OTUD5: variants seen among roughly 807,000 people sequenced by gnomAD.
OTUD5 encodes the protein OTU deubiquitinase 5, also known as OTU domain-containing protein 5.
In OTUD5, 2 loss-of-function variants were observed where a neutral mutation model predicts 36.3. The observed-to-expected ratio is 0.06, with a 90% CI of 0.02 to 0.17. OTUD5 has a LOEUF of 0.17. Among genes scored for constraint, OTUD5 ranks in the 10% least tolerant of loss-of-function variants. OTUD5 has a pLI of 1.00. For missense variants in OTUD5, 233 were observed against 512.3 expected (o/e 0.45, Z 5.26); for synonymous variants, 234 against 214.9 (o/e 1.09, Z -0.78).
At chrX:48,942,377 T>C (rs2063949634) in intron 2 of OTUD5, among the ~76,000 whole-genome samples, 1 of 106,240 alleles carries the variant, frequency 9.4e-6, no homozygotes, top group South Asian at 4.2e-4. Flanking sequence ...AGGTCCTCAC[T>C]AGCCAGTCCC....
At chrX:48,934,324 T>A (rs2063799656) in intron 5 of OTUD5, 140 bp downstream of exon 5, 1 of 415,680 alleles carries the variant, frequency 2.4e-6, no homozygotes, top group African/African-American at 2.6e-5. Context: ...CTCCCTATTT[T>A]TTTTTTTTTT....
intron 2 of OTUD5, among the ~76,000 whole-genome samples, chrX:48,941,820 G>A (rs961605988): frequency 8.9e-6 from 1 of 111,848 alleles, no homozygotes; most frequent in Non-Finnish European, 1.9e-5. Flanking sequence ...GCAGCAAAAA[G>A]CCCAGGGACA....
At chrX:48,932,189 A>C (rs970226377) in intron 5 of OTUD5, among the ~76,000 whole-genome samples, 28 of 107,180 alleles carry the variant, frequency 2.6e-4, no homozygotes, top group Non-Finnish European at 4.8e-4. Context: ...AATAATAATA[A>C]TAATAATAAT....
intron 5 of OTUD5, among the ~76,000 whole-genome samples, chrX:48,930,107 AAAT>A (rs1204739722): frequency 3.6e-5 from 4 of 111,521 alleles, no homozygotes; most frequent in East Asian, 2.8e-4. Flanking sequence ...CTGTCTCAAA[AAAT>A]AATAATAATA....
chrX:48,930,141 C>A (rs2063729947), intron 5 of OTUD5, among the ~76,000 whole-genome samples: 1 of 111,701 alleles, frequency 9.0e-6, no homozygotes, highest in Admixed American at 9.5e-5. Flanking sequence ...AAAATAAACA[C>A]CCTCATTTGA....
rs1421396114 is a variant in OTUD5, at chrX:48,925,750, G to A, written c.1263+97C>T. ...GTGCTGGATGCTTCCTTCCCTCCCA[G>A]ATGTCAAAACTGCTTAATTTTTTTC... On this transcript the variant is annotated intron_variant, in intron 6 of 8. Coordinates refer to ENST00000376488, the MANE Select transcript of OTUD5 (RefSeq NM_001136157.2). 7 of 667,669 alleles carry A rather than the reference G, an allele frequency of 1.0e-5. No individual in the cohort carries two copies. The East Asian group carries it at 2.5e-4, about 24-fold the overall frequency. The allele number at this position is 667,669 out of a possible 1,213,427, so 55.0% of individuals were successfully genotyped here.
chrX:48,957,448 GCCGCCGCCCACGCCCACACCT>G lies in OTUD5; in HGVS notation c.102_122del (p.Val36_Gly42del), dbSNP rs1179633468. 1 of 987,488 alleles carries G rather than the reference GCCGCCGCCCACGCCCACACCT, an allele frequency of 1.0e-6. No individual in the cohort carries two copies. The highest frequency in any genetic ancestry group is 1.3e-6 in the Non-Finnish European group (1 of 784,101). The allele number at this position is 987,488 out of a possible 1,213,427, so 81.4% of individuals were successfully genotyped here. ...GATCGCCGCCGCCCACGCCCGTGCC[GCCGCCGCCCACGCCCACACCT>G]CCGCCGCGCCGCGGCGCCGGGGGCA... On this transcript the variant is annotated inframe_deletion, in exon 1 of 9. Transcript: ENST00000376488.
At chrX:48,928,980 G>T (rs1034616699) in intron 5 of OTUD5, among the ~76,000 whole-genome samples, 3 of 111,209 alleles carry the variant, frequency 2.7e-5, no homozygotes, top group Non-Finnish European at 5.7e-5. Context: ...AATTTTAAGG[G>T]TGGTCAAACT....
intron 1 of OTUD5, among the ~76,000 whole-genome samples, chrX:48,956,566 T>A (rs1271992009): frequency 9.0e-6 from 1 of 111,330 alleles, no homozygotes; most frequent in Non-Finnish European, 1.9e-5. Context: ...AAGGGGAATC[T>A]CAAACTTCTA....
At chrX:48,952,385 AGTGAT>A (rs202080939) in intron 1 of OTUD5, among the ~76,000 whole-genome samples, 3,617 of 112,260 alleles carry the variant, frequency 0.032, 155 homozygotes, top group African/African-American at 0.11. Flanking sequence ...AATGGACTGT[AGTGAT>A]GTGATGGACG....
intron 2 of OTUD5, among the ~76,000 whole-genome samples, chrX:48,938,869 T>C (rs2092561763): frequency 9.1e-6 from 1 of 110,485 alleles, no homozygotes; most frequent in Non-Finnish European, 1.9e-5. Context: ...TTCAGAGAAC[T>C]TGTTTTGATA....
At chrX:48,926,286 C>T (rs1557047738) in intron 5 of OTUD5, among the ~76,000 whole-genome samples, 1 of 111,081 alleles carries the variant, frequency 9.0e-6, no homozygotes, top group Non-Finnish European at 1.9e-5. Context: ...CTGACTCTAA[C>T]CCCCAAACCA....
intron 2 of OTUD5, among the ~76,000 whole-genome samples, chrX:48,939,441 G>A (rs1222900600): frequency 9.0e-6 from 1 of 111,371 alleles, no homozygotes. Flanking sequence ...CCTTTTTCTG[G>A]ACACACAGAG....
chrX:48,928,572 A>C (rs1242528416), intron 5 of OTUD5, among the ~76,000 whole-genome samples: 3 of 111,546 alleles, frequency 2.7e-5, no homozygotes, highest in Non-Finnish European at 5.7e-5. Flanking sequence ...CACCCCTGCA[A>C]TACCAGCACT....
intron 6 of OTUD5, among the ~76,000 whole-genome samples, 196 bp downstream of exon 6, chrX:48,925,651 A>G (rs1248382956): frequency 8.9e-6 from 1 of 112,859 alleles, no homozygotes; most frequent in Non-Finnish European, 1.9e-5. Context: ...TCACTCCTTA[A>G]GTGCCTGTTC....
chrX:48,924,428 G>T (rs1359999618), intron 6 of OTUD5, among the ~76,000 whole-genome samples: 1 of 111,580 alleles, frequency 9.0e-6, no homozygotes, highest in Non-Finnish European at 1.9e-5. Flanking sequence ...TCCACTGGAT[G>T]ACTAGCAGGC....
rs781977652 is a variant in OTUD5, at chrX:48,951,987, C to T, written c.594+4990G>A. Among the ~76,000 whole-genome samples, 6 of 109,490 alleles carry T rather than the reference C, an allele frequency of 5.5e-5. No homozygotes were observed. In the South Asian group the frequency reaches 2.0e-3, roughly 36 times the overall value. ...AGGAGAATCACTTGAACCCGGAAGC[C>T]GGAGGTTGCAGCGACCTGAGATTGC... is the stretch of plus-strand genomic sequence containing the variant. On this transcript the variant is annotated intron_variant, in intron 1 of 8. Coordinates refer to ENST00000376488, the MANE Select transcript of OTUD5 (RefSeq NM_001136157.2).
At chrX:48,931,218 G>A (rs1463027928) in intron 5 of OTUD5, among the ~76,000 whole-genome samples, 1 of 111,430 alleles carries the variant, frequency 9.0e-6, no homozygotes, top group Admixed American at 9.5e-5. Flanking sequence ...CACTACTTCT[G>A]CCAGTTGATC....
chrX:48,953,959 G>A (rs1409877571), intron 1 of OTUD5, among the ~76,000 whole-genome samples: 1 of 110,614 alleles, frequency 9.0e-6, no homozygotes, highest in Non-Finnish European at 1.9e-5. Context: ...AGACTGGGGT[G>A]GCAGGAGGAA....
Sources: allele counts gnomAD v4.1 joint callset (sites outside exome capture counted in the v4.1 genomes callset), GRCh38; gene constraint gnomAD v4.1.1; transcripts MANE v1.5; gene names NCBI Gene and HGNC (gene_info 2026-07-23, HGNC 2026-07-21).